SMPD3: variants seen among roughly 807,000 people sequenced by gnomAD.
SMPD3 encodes sphingomyelin phosphodiesterase 3, also known as nSMase-2.
In SMPD3, 21 loss-of-function variants were observed where a neutral mutation model predicts 55.7. The observed-to-expected ratio is 0.38, with a 90% confidence interval of 0.27 to 0.54. SMPD3 has a LOEUF of 0.54. Ranked by LOEUF, SMPD3 falls within the 20% of genes least tolerant of loss-of-function variation. SMPD3 has a pLI of 0.80. For synonymous variants in SMPD3, 457 were observed against 404.3 expected (o/e 1.13, Z -1.56); for missense variants, 842 against 899.6 (o/e 0.94, Z 0.82).
In SMPD3 at chr16:68,361,712, G is replaced by A. The variant is rs1393195675; in HGVS notation, c.1757C>T (p.Thr586Ile). The A allele has an allele frequency of 6.2e-7, 1 of 1,613,100 alleles. No homozygotes were observed. Among genetic ancestry groups the A allele is most frequent in the Admixed American group, 1.7e-5 (1 of 60,026 alleles). ...CCCCTTCTGGCCCGAGCTCTTGCTGGTGGGAAACGCCAGGTACTCCCTGCG... is the reference window on the plus strand; with the variant it reads ...CCCCTTCTGGCCCGAGCTCTTGCTGATGGGAAACGCCAGGTACTCCCTGCG... Reference protein sequence around the residue: ...EGRREYLAFPTSKSSGQKGRK... With the variant: ...EGRREYLAFPISKSSGQKGRK... The change falls in exon 8 of 9, where the codon ACC (threonine) becomes ATC (isoleucine). Residue 586 changes from threonine (T) to isoleucine (I), a missense_variant. Thr to Ile is a moderately conservative substitution (Grantham distance 89). Transcript: ENST00000219334.
intron 3 of SMPD3, chr16:68,368,575 G>A (rs2089554753): frequency 6.5e-6 from 1 of 153,250 alleles, no homozygotes; most frequent in African/African-American, 2.4e-5. Flanking sequence ...AGCAGCCAAG[G>A]TGGTCCTTCT....
At chr16:68,441,141 A>G (rs2090563192) in intron 1 of SMPD3, among the ~76,000 whole-genome samples, 1 of 152,188 alleles carries the variant, frequency 6.6e-6, no homozygotes, top group Admixed American at 6.5e-5. Context: ...AGTAATAACA[A>G]TAGTTAATAT....
chr16:68,412,455 G>C (rs1468418931), intron 1 of SMPD3, among the ~76,000 whole-genome samples: 3 of 152,168 alleles, frequency 2.0e-5, no homozygotes, highest in Non-Finnish European at 4.4e-5. Flanking sequence ...CCAAAACATA[G>C]CTGGTGAATC....
intron 7 of SMPD3, 50 bp downstream of exon 7, chr16:68,363,446 C>T: frequency 2.5e-6 from 4 of 1,599,962 alleles, no homozygotes; most frequent in Non-Finnish European, 3.4e-6. Context: ...TCCCTGTCTC[C>T]ACCTTAGTCA....
intron 1 of SMPD3, among the ~76,000 whole-genome samples, chr16:68,390,486 C>A (rs549130103): frequency 6.6e-6 from 1 of 152,108 alleles, no homozygotes; most frequent in Non-Finnish European, 1.5e-5. Flanking sequence ...CATGGTGAAA[C>A]CCTGTCTCTA....
At chr16:68,434,864 C>T (rs1473360563) in intron 1 of SMPD3, among the ~76,000 whole-genome samples, 1 of 152,170 alleles carries the variant, frequency 6.6e-6, no homozygotes, top group Non-Finnish European at 1.5e-5. Flanking sequence ...GAGGCGACAT[C>T]CTCTGCAGAG....
chr16:68,437,829 C>T (rs184611419), intron 1 of SMPD3, among the ~76,000 whole-genome samples: 2 of 152,298 alleles, frequency 1.3e-5, no homozygotes, highest in African/African-American at 4.8e-5. Flanking sequence ...GCAACTGCAG[C>T]CATTAGAAAA....
At chr16:68,361,463 T>A in intron 8 of SMPD3, 140 bp downstream of exon 8, 1 of 1,417,064 alleles carries the variant, frequency 7.1e-7, no homozygotes, top group Non-Finnish European at 9.7e-7. Context: ...CCTGGGGCCC[T>A]AAGGGTCTGA....
intron 1 of SMPD3, among the ~76,000 whole-genome samples, chr16:68,402,098 C>A (rs573557122): frequency 6.8e-4 from 104 of 152,328 alleles, no homozygotes; most frequent in Non-Finnish European, 1.1e-3. Flanking sequence ...CTCTGAGTCA[C>A]ATCTCTCTCC....
At chr16:68,387,827 T>C (rs750494939) in intron 1 of SMPD3, among the ~76,000 whole-genome samples, 1 of 152,238 alleles carries the variant, frequency 6.6e-6, no homozygotes, top group Non-Finnish European at 1.5e-5. Flanking sequence ...ACTAAGTGTT[T>C]CAGAAGAATC....
chr16:68,387,694 C>T (rs1216899292), intron 1 of SMPD3, among the ~76,000 whole-genome samples: 1 of 152,260 alleles, frequency 6.6e-6, no homozygotes, highest in African/African-American at 2.4e-5. Flanking sequence ...GCATGCTCCA[C>T]CTTCTTAAGC....
intron 1 of SMPD3, among the ~76,000 whole-genome samples, chr16:68,401,718 T>C (rs1056928115): frequency 1.3e-5 from 2 of 152,174 alleles, no homozygotes; most frequent in African/African-American, 4.8e-5. Flanking sequence ...GAGAATTTCA[T>C]AGGTACAAGG....
At chr16:68,390,554 G>A (rs2090102132) in intron 1 of SMPD3, among the ~76,000 whole-genome samples, 1 of 152,198 alleles carries the variant, frequency 6.6e-6, no homozygotes. Context: ...CCAGCTACTT[G>A]CGCTGCTGAA....
At position 68,372,138 on chromosome 16, in the gene SMPD3, G is replaced by A. The variant is rs781751221; in HGVS notation, c.44C>T (p.Ala15Val). The change falls in exon 3 of 9, where the codon GCC becomes GTC. Residue 15 changes from alanine (A) to valine (V), a missense_variant. By Grantham distance (64) the Ala-to-Val change is moderately conservative. Coordinates refer to ENST00000219334, the MANE Select transcript of SMPD3 (RefSeq NM_018667.4). ...AAGGGCCCAGGACACACAGTGCAGGGCGGACAGACAGCTGTTAGGAAAGGG... is the reference window on the plus strand; with the variant it reads ...AAGGGCCCAGGACACACAGTGCAGGACGGACAGACAGCTGTTAGGAAAGGG... ...TTPFPNSCLS[A>V]LHCVSWALIF... The A allele has an allele frequency of 1.6e-5, 25 of 1,612,800 alleles. No homozygotes were observed. The Admixed American group carries it at 2.8e-4, about 18-fold the overall frequency.
At chr16:68,375,803 T>C (rs982128823) in intron 2 of SMPD3, among the ~76,000 whole-genome samples, 3 of 152,184 alleles carry the variant, frequency 2.0e-5, no homozygotes, top group Admixed American at 6.5e-5. Context: ...ATTGATGGGA[T>C]TTGAGGTGAC....
At chr16:68,420,716 C>T (rs896387465) in intron 1 of SMPD3, among the ~76,000 whole-genome samples, 1 of 152,206 alleles carries the variant, frequency 6.6e-6, no homozygotes, top group Non-Finnish European at 1.5e-5. Flanking sequence ...GGCAGCTGCC[C>T]CATAGGCCAC....
intron 1 of SMPD3, among the ~76,000 whole-genome samples, chr16:68,431,855 G>A (rs2090482391): frequency 6.6e-6 from 1 of 152,212 alleles, no homozygotes; most frequent in Non-Finnish European, 1.5e-5. Context: ...CCGGCAGGTG[G>A]AGGTTGCAGT....
Position 68,365,045 on chromosome 16 carries a change from G to C in SMPD3, c.1371C>G (p.Ile457Met), listed in dbSNP as rs760930521. The change falls in exon 4 of 9, where the codon ATC (isoleucine) becomes ATG (methionine). Residue 457 changes from isoleucine to methionine, a missense_variant. Around this residue, in one of 2 missense-constraint regions of SMPD3, gnomAD observed 649 missense variants for 643.6 expected, o/e 1.01. Transcript: ENST00000219334. Reference sequence around the variant, plus strand: ...GCGGGGCATGCAGGTGTGTGCAGGCGATGTACCCGACGATTCTTTGGTCCT... The same window carrying C: ...GCGGGGCATGCAGGTGTGTGCAGGCCATGTACCCGACGATTCTTTGGTCCT... ...TPQDQRIVGYIACTHLHAPQE... is the reference protein window; with the variant it reads ...TPQDQRIVGYMACTHLHAPQE... 1.9e-6 allele frequency: 3 copies of C among 1,614,008 alleles called. No homozygotes were observed. Among genetic ancestry groups the C allele is most frequent in the East Asian group, 2.2e-5 (1 of 44,898 alleles).
At position 68,371,529 on chromosome 16, in the gene SMPD3, C is replaced by G. The variant is rs762967988; in HGVS notation, c.653G>C (p.Arg218Pro). The G allele has an allele frequency of 1.5e-5, 24 of 1,600,772 alleles. No homozygotes were observed. In the Admixed American group the frequency reaches 3.7e-4, roughly 25 times the overall value. The change falls in exon 3 of 9, where the codon CGG (arginine) becomes CCG (proline). Residue 218 changes from arginine to proline, a missense_variant. Around this residue, in one of 2 missense-constraint regions of SMPD3, gnomAD observed 649 missense variants for 643.6 expected, o/e 1.01. Transcript: ENST00000219334. ...GTTGGCAGCCTCGTCACCGGGGTGCCGCCCACCGTCACCCTTGTACTCCAC... is the reference window on the plus strand; with the variant it reads ...GTTGGCAGCCTCGTCACCGGGGTGCGGCCCACCGTCACCCTTGTACTCCAC... ...ASVEYKGDGG[R>P]HPGDEAANGP... is the part of the protein sequence containing the mutation.
Sources: allele counts gnomAD v4.1 joint callset (sites outside exome capture counted in the v4.1 genomes callset), GRCh38; gene constraint gnomAD v4.1.1; regional missense constraint gnomAD v4.1.1; transcripts MANE v1.5; gene names NCBI Gene and HGNC (gene_info 2026-07-23, HGNC 2026-07-21).